KCNH5: variants seen among roughly 807,000 people sequenced by gnomAD.
KCNH5 encodes voltage-gated delayed rectifier potassium channel KCNH5.
Under a neutral mutation model 96.1 loss-of-function variants are expected in KCNH5, and 46 were observed. That is an observed-to-expected ratio of 0.48 (90% CI 0.38 to 0.61). The LOEUF is 0.61. KCNH5 is among the 20% of genes least tolerant of loss of function. The pLI, the probability that KCNH5 is intolerant of heterozygous loss-of-function variation, is 0.00. For synonymous variants in KCNH5, 439 were observed against 449.8 expected (o/e 0.98, Z 0.30); for missense variants, 907 against 1,225.8 (o/e 0.74, Z 3.88).
intron 10 of KCNH5, among the ~76,000 whole-genome samples, chr14:62,735,030 G>A (rs1885128124): frequency 6.6e-6 from 1 of 152,264 alleles, no homozygotes; most frequent in Admixed American, 6.5e-5. Flanking sequence ...AGTCCTTGGA[G>A]CAGGCAAGCC....
At chr14:62,778,687 C>A (rs1386190346) in intron 10 of KCNH5, among the ~76,000 whole-genome samples, 3 of 152,228 alleles carry the variant, frequency 2.0e-5, no homozygotes, top group African/African-American at 7.2e-5. Flanking sequence ...TCTGTGTGTT[C>A]TCTACAGCTA....
At chr14:62,810,854 G>C (rs1020714285) in intron 8 of KCNH5, among the ~76,000 whole-genome samples, 1 of 152,028 alleles carries the variant, frequency 6.6e-6, no homozygotes, top group Non-Finnish European at 1.5e-5. Flanking sequence ...GTCACAGTTT[G>C]TAATGTGGAC....
At chr14:62,834,329 C>T (rs1267173567) in intron 8 of KCNH5, among the ~76,000 whole-genome samples, 4 of 151,918 alleles carry the variant, frequency 2.6e-5, no homozygotes, top group Non-Finnish European at 5.9e-5. Context: ...TTTCTGAACT[C>T]CAGAATTACA....
chr14:62,931,553 A>G (rs1889581742), intron 7 of KCNH5, among the ~76,000 whole-genome samples: 1 of 152,210 alleles, frequency 6.6e-6, no homozygotes, highest in African/African-American at 2.4e-5. Flanking sequence ...GAAGCTGGAA[A>G]GCATAGGACA....
chr14:62,890,539 C>CAAA (rs147455504), intron 7 of KCNH5, among the ~76,000 whole-genome samples: 2 of 147,548 alleles, frequency 1.4e-5, no homozygotes, highest in East Asian at 4.0e-4. Flanking sequence ...ACTAAAAATA[C>CAAA]AAAAAAAAAA....
At chr14:62,994,501 T>C (rs1422718143) in intron 4 of KCNH5, among the ~76,000 whole-genome samples, 3 of 152,084 alleles carry the variant, frequency 2.0e-5, no homozygotes, top group Non-Finnish European at 2.9e-5. Context: ...CAGGTACCAC[T>C]GACTGATTAC....
chr14:62,771,412 G>T (rs755656138), intron 10 of KCNH5, among the ~76,000 whole-genome samples: 23 of 152,094 alleles, frequency 1.5e-4, no homozygotes, highest in Non-Finnish European at 2.9e-4. Context: ...AGATCACAAG[G>T]TCAGGAGATC....
At chr14:62,897,373 G>A (rs561524283) in intron 7 of KCNH5, among the ~76,000 whole-genome samples, 2 of 152,180 alleles carry the variant, frequency 1.3e-5, no homozygotes, top group South Asian at 4.1e-4. Flanking sequence ...CTATTCTTAG[G>A]TCAGGTATTG....
intron 7 of KCNH5, among the ~76,000 whole-genome samples, chr14:62,902,174 C>T (rs1023233014): frequency 3.3e-5 from 5 of 152,076 alleles, no homozygotes; most frequent in African/African-American, 1.2e-4. Context: ...CCACTTTACT[C>T]AGTTGATGGT....
At chr14:62,947,894 G>A (rs562132149) in intron 7 of KCNH5, among the ~76,000 whole-genome samples, 189 of 151,864 alleles carry the variant, frequency 1.2e-3, no homozygotes, top group Admixed American at 3.0e-3. Flanking sequence ...AGTTACATAC[G>A]TATACATGTG....
intron 4 of KCNH5, among the ~76,000 whole-genome samples, 166 bp from the exon 5 acceptor site, chr14:62,987,353 T>G (rs1216326286): frequency 1.3e-5 from 2 of 152,200 alleles, no homozygotes; most frequent in Admixed American, 1.3e-4. Flanking sequence ...GCTCATATAT[T>G]TGAAGTGTGG....
intron 6 of KCNH5, among the ~76,000 whole-genome samples, chr14:62,978,276 A>G (rs1421278650): frequency 6.6e-6 from 1 of 152,228 alleles, no homozygotes; most frequent in Non-Finnish European, 1.5e-5. Context: ...GATGGTAACA[A>G]TAGGCTTTCT....
intron 5 of KCNH5, 74 bp from the exon 6 acceptor site, chr14:62,981,338 G>T (rs1258557063): frequency 2.3e-5 from 32 of 1,418,228 alleles, no homozygotes; most frequent in Non-Finnish European, 2.8e-5. Context: ...AAATCTACTG[G>T]CAGTCAAACC....
intron 6 of KCNH5, among the ~76,000 whole-genome samples, chr14:62,968,484 G>C (rs1890344610): frequency 6.6e-6 from 1 of 152,140 alleles, no homozygotes; most frequent in African/African-American, 2.4e-5. Context: ...GGTAGGGTAG[G>C]TCATCTGACT....
At chr14:62,997,680 GA>G (rs1566533974) in intron 4 of KCNH5, among the ~76,000 whole-genome samples, 1 of 151,692 alleles carries the variant, frequency 6.6e-6, no homozygotes, top group Non-Finnish European at 1.5e-5. Context: ...GGCAGATCAC[GA>G]GGTCAGGAGA....
intron 7 of KCNH5, among the ~76,000 whole-genome samples, chr14:62,899,773 G>T (rs1033898067): frequency 2.7e-5 from 4 of 150,460 alleles, no homozygotes; most frequent in East Asian, 3.9e-4. Context: ...GGCGGAGCTT[G>T]CAGTGAGCCG....
At chr14:62,736,076 C>T (rs1002293673) in intron 10 of KCNH5, among the ~76,000 whole-genome samples, 2 of 152,194 alleles carry the variant, frequency 1.3e-5, no homozygotes, top group African/African-American at 4.8e-5. Context: ...CGATAAATTG[C>T]TGTTTGTTTT....
At chr14:62,890,444 C>T (rs1888683568) in intron 7 of KCNH5, among the ~76,000 whole-genome samples, 1 of 151,656 alleles carries the variant, frequency 6.6e-6, no homozygotes, top group Non-Finnish European at 1.5e-5. Context: ...GCCTGTAATC[C>T]CAGCACTTTG....
chr14:62,997,717 G>A (rs577635720), intron 4 of KCNH5, among the ~76,000 whole-genome samples: 18 of 151,640 alleles, frequency 1.2e-4, no homozygotes, highest in Non-Finnish European at 2.4e-4. Context: ...CTAACACAGT[G>A]AAACCCCGTC....
Sources: allele counts gnomAD v4.1 joint callset (sites outside exome capture counted in the v4.1 genomes callset), GRCh38; gene constraint gnomAD v4.1.1; transcripts MANE v1.5; gene names NCBI Gene and HGNC (gene_info 2026-07-23, HGNC 2026-07-21).